The following CCDC170 variants were observed in gnomAD, a reference collection of about 807,000 sequenced individuals.
The protein encoded by CCDC170 is coiled-coil domain containing 170, also known as coiled-coil domain-containing protein 170.
In CCDC170, 69 loss-of-function variants were observed where a neutral mutation model predicts 72.6. The ratio of observed to expected loss-of-function variants is 0.95; its 90% CI spans 0.78 to 1.16. CCDC170 has a LOEUF of 1.16. Among genes scored for constraint, CCDC170 ranks in the 50% most tolerant of loss-of-function variants. CCDC170 has a pLI of 0.00. For synonymous variants in CCDC170, 300 were observed against 303.9 expected, an observed-to-expected ratio of 0.99 and a Z score of 0.13; for missense variants, 852 against 832.5, an observed-to-expected ratio of 1.02 and a Z score of -0.29.
intron 8 of CCDC170, among the ~76,000 whole-genome samples, chr6:151,593,763 G>A (rs1296135634): frequency 6.6e-6 from 1 of 151,418 alleles, no homozygotes; most frequent in Non-Finnish European, 1.5e-5. Flanking sequence ...GGCTGCAAAA[G>A]AACAAGCAGA....
chr6:151,574,235 G>A (rs568344257), intron 6 of CCDC170, among the ~76,000 whole-genome samples: 1 of 152,264 alleles, frequency 6.6e-6, no homozygotes, highest in Admixed American at 6.5e-5. Flanking sequence ...ATTTAAATGT[G>A]GTTGTATTAA....
At chr6:151,520,063 C>T (rs1388856756) in intron 1 of CCDC170, among the ~76,000 whole-genome samples, 1 of 152,166 alleles carries the variant, frequency 6.6e-6, no homozygotes. Flanking sequence ...CTCATTTTAC[C>T]CAGCCCCTAT....
At chr6:151,498,791 TTAAAC>T (rs1367563305) in intron 1 of CCDC170, among the ~76,000 whole-genome samples, 1 of 152,130 alleles carries the variant, frequency 6.6e-6, no homozygotes, top group African/African-American at 2.4e-5. Context: ...TCAGACTGTA[TTAAAC>T]TATTCTAGGC....
intron 9 of CCDC170, among the ~76,000 whole-genome samples, chr6:151,600,377 A>G (rs886809910): frequency 6.6e-6 from 1 of 152,172 alleles, no homozygotes; most frequent in African/African-American, 2.4e-5. Flanking sequence ...GGGTGGCTTA[A>G]TACTCAATCC....
At chr6:151,559,022 T>TTC (rs1487280625) in intron 5 of CCDC170, among the ~76,000 whole-genome samples, 1 of 150,116 alleles carries the variant, frequency 6.7e-6, no homozygotes, top group Non-Finnish European at 1.5e-5. Flanking sequence ...CTTTTTTTTT[T>TTC]TTTTTTTCGA....
intron 1 of CCDC170, among the ~76,000 whole-genome samples, chr6:151,532,188 T>C (rs1213102867): frequency 6.6e-6 from 1 of 151,912 alleles, no homozygotes; most frequent in Non-Finnish European, 1.5e-5. Context: ...ATAAGAAACA[T>C]AAAAAAGATA....
chr6:151,510,325 G>T (rs1583002877), intron 1 of CCDC170, among the ~76,000 whole-genome samples: 1 of 152,114 alleles, frequency 6.6e-6, no homozygotes, highest in East Asian at 1.9e-4. Context: ...GGTAGAAAAA[G>T]AGCTTCCGAG....
At chr6:151,512,941 G>A (rs540891396) in intron 1 of CCDC170, among the ~76,000 whole-genome samples, 35 of 152,308 alleles carry the variant, frequency 2.3e-4, no homozygotes, top group Non-Finnish European at 3.8e-4. Context: ...TGAACCTATG[G>A]TACATAATTG....
chr6:151,579,096 C>T (rs1257829472), intron 6 of CCDC170, among the ~76,000 whole-genome samples: 1 of 152,032 alleles, frequency 6.6e-6, no homozygotes, highest in Non-Finnish European at 1.5e-5. Flanking sequence ...TTCTTCACCC[C>T]TCACCCTCCA....
At chr6:151,512,164 T>G (rs1583003590) in intron 1 of CCDC170, among the ~76,000 whole-genome samples, 1 of 143,248 alleles carries the variant, frequency 7.0e-6, no homozygotes, top group East Asian at 2.0e-4. Flanking sequence ...TTTTTTTTGT[T>G]TTTTTTTTTT....
At chr6:151,542,025 A>C (rs1782699810) in intron 3 of CCDC170, among the ~76,000 whole-genome samples, 1 of 150,592 alleles carries the variant, frequency 6.6e-6, no homozygotes, top group African/African-American at 2.4e-5. Context: ...GATTACAGGC[A>C]TGTGCCACCA....
intron 3 of CCDC170, among the ~76,000 whole-genome samples, chr6:151,538,748 T>A (rs1398967297): frequency 6.6e-6 from 1 of 152,192 alleles, no homozygotes; most frequent in Non-Finnish European, 1.5e-5. Flanking sequence ...TCATGAAACC[T>A]AGGTTTTCCA....
chr6:151,599,213 T>C lies in CCDC170; in HGVS notation c.1710+2636T>C, dbSNP rs150145372. On this transcript the variant is annotated intron_variant, in intron 9 of 10. Transcript: ENST00000239374. Reference sequence around the variant, plus strand: ...AATTTGCAGACCTGATCTAACACTTTTGAAGAATTTCTCTTACCCATAGGG... The same window carrying C: ...AATTTGCAGACCTGATCTAACACTTCTGAAGAATTTCTCTTACCCATAGGG... Among the ~76,000 whole-genome samples, 30 of 152,342 alleles carry C rather than the reference T, an allele frequency of 2.0e-4. No homozygotes were observed. In the East Asian group the frequency reaches 5.0e-3, roughly 25 times the overall value.
chr6:151,616,781 G>A (rs1416042087), intron 10 of CCDC170, among the ~76,000 whole-genome samples: 3 of 152,132 alleles, frequency 2.0e-5, no homozygotes, highest in African/African-American at 4.8e-5. Context: ...CAGCTTCCTG[G>A]TTCAGAGTCA....
At position 151,519,585 on chromosome 6, in the gene CCDC170, A is replaced by G. The variant is rs897459674; in HGVS notation, c.58-16733A>G. Among the ~76,000 whole-genome samples, 7 of 152,234 alleles carry G rather than the reference A, an allele frequency of 4.6e-5. No individual in the cohort carries two copies. The East Asian group carries it at 1.3e-3, about 29-fold the overall frequency. ...GTAAAGACAGGCATAAGAAATTATA[A>G]AAGTATTAATTTTGGGAACTGATAC... On this transcript the variant is annotated intron_variant, in intron 1 of 10. Transcript: ENST00000239374.
At chr6:151,509,952 G>A (rs150983144) in intron 1 of CCDC170, among the ~76,000 whole-genome samples, 81 of 152,146 alleles carry the variant, frequency 5.3e-4, no homozygotes, top group African/African-American at 1.8e-3. Flanking sequence ...GTGAAACTCC[G>A]TCTCCACTAA....
Position 151,596,577 on chromosome 6 carries a change from G to A in CCDC170, c.1710G>A (p.Lys570=), listed in dbSNP as rs754298052. 2 of 1,613,664 alleles carry A rather than the reference G, an allele frequency of 1.2e-6. No homozygotes were observed. The change falls in exon 9 of 11, where the codon AAG becomes AAA. Residue 570 remains lysine, a splice_region_variant and synonymous_variant. Transcript: ENST00000239374. ...KAKLADTNEL[K]IKTLEQTKAI... ...AACTGGCCGACACCAATGAACTGAAGGCAAGTGCTTGGCTTCATTTTGTTG... is the reference window on the plus strand; with the variant it reads ...AACTGGCCGACACCAATGAACTGAAAGCAAGTGCTTGGCTTCATTTTGTTG...
rs1193523791 is a variant in CCDC170 at position 151,499,532 on chromosome 6, C to T, written c.57+5347C>T. 6.8e-5 allele frequency among the ~76,000 whole-genome samples: 8 copies of T among 117,422 alleles called. 2 individuals carry two copies. Among genetic ancestry groups the T allele is most frequent in the African/African-American group, 2.1e-4 (5 of 23,406 alleles). The allele number at this position is 117,422 out of a possible 152,430, so 77.0% of individuals were successfully genotyped here. On this transcript the variant is annotated intron_variant, in intron 1 of 10. Coordinates refer to ENST00000239374, the MANE Select transcript of CCDC170 (RefSeq NM_025059.4). The stretch of plus-strand genomic sequence containing the variant: ...TGGAATCAGACTGTATTTGACTATT[C>T]TAGGCATGCTGTATAAGTGGAATCA...
chr6:151,572,710 A>C (rs1292191620), intron 5 of CCDC170, among the ~76,000 whole-genome samples: 1 of 129,838 alleles, frequency 7.7e-6, no homozygotes, highest in Non-Finnish European at 1.5e-5. Flanking sequence ...AGTACAGTGG[A>C]GTGATCTCAG....
Sources: gnomAD v4.1 joint callset for allele counts (sites outside exome capture counted in the v4.1 genomes callset) on GRCh38, gnomAD v4.1.1 for gene constraint, MANE v1.5 for transcripts, NCBI Gene and HGNC (gene_info 2026-07-23, HGNC 2026-07-21) for gene names.